Variants in OXR1 observed in about 807,000 individuals in gnomAD.
OXR1 encodes oxidation resistance 1.
Under a neutral mutation model 104.6 loss-of-function variants are expected in OXR1, and 41 were observed. The ratio of observed to expected loss-of-function variants is 0.39; its 90% CI spans 0.31 to 0.51. The LOEUF (loss-of-function observed/expected upper bound fraction) is 0.51, where lower values mean the gene tolerates loss of function less well. OXR1 is among the 20% of genes least tolerant of loss of function. The pLI, the probability that OXR1 is intolerant of heterozygous loss-of-function variation, is 0.77. For missense variants in OXR1, 955 were observed against 1,031.9 expected, an observed-to-expected ratio of 0.93 and a Z score of 1.02; for synonymous variants, 348 against 348.4, an observed-to-expected ratio of 1.00 and a Z score of 0.01.
At chr8:106,410,794 C>T (rs547550342) in intron 2 of OXR1, among the ~76,000 whole-genome samples, 10 of 151,532 alleles carry the variant, frequency 6.6e-5, no homozygotes, top group South Asian at 2.1e-4. Flanking sequence ...CCAGAGAAGA[C>T]AACAATAATT....
At chr8:106,480,152 T>C (rs927099413) in intron 2 of OXR1, among the ~76,000 whole-genome samples, 2 of 151,922 alleles carry the variant, frequency 1.3e-5, no homozygotes, top group Non-Finnish European at 2.9e-5. Context: ...AAGCTATATG[T>C]GATAAATAAT....
chr8:106,711,786 G>A (rs1389752043), intron 10 of OXR1, among the ~76,000 whole-genome samples: 3 of 152,072 alleles, frequency 2.0e-5, no homozygotes, highest in African/African-American at 7.2e-5. Context: ...ACATACCTGG[G>A]GTTATTTTAC....
chr8:106,346,635 C>T (rs1815491257), intron 1 of OXR1, among the ~76,000 whole-genome samples: 1 of 151,770 alleles, frequency 6.6e-6, no homozygotes, highest in African/African-American at 2.4e-5. Context: ...TTTTTCCATC[C>T]CTAATTCATT....
chr8:106,724,147 TAGGA>T (rs1198887848), intron 11 of OXR1, among the ~76,000 whole-genome samples: 1 of 152,028 alleles, frequency 6.6e-6, no homozygotes, highest in Non-Finnish European at 1.5e-5. Flanking sequence ...CCAACTCAAA[TAGGA>T]AGAGATATAA....
chr8:106,700,782 G>T (rs1325750099), intron 7 of OXR1, among the ~76,000 whole-genome samples: 1 of 152,152 alleles, frequency 6.6e-6, no homozygotes, highest in Non-Finnish European at 1.5e-5. Flanking sequence ...TATTATGCTA[G>T]TGAACCAAAT....
chr8:106,675,264 C>CA (rs1827462815), intron 3 of OXR1, among the ~76,000 whole-genome samples: 1 of 152,024 alleles, frequency 6.6e-6, no homozygotes, highest in Non-Finnish European at 1.5e-5. Context: ...CAGACAAAAA[C>CA]AAATCAATAC....
At chr8:106,592,736 C>T (rs1356625017) in intron 3 of OXR1, among the ~76,000 whole-genome samples, 1 of 152,046 alleles carries the variant, frequency 6.6e-6, no homozygotes, top group African/African-American at 2.4e-5. Flanking sequence ...CTAGCAGAGG[C>T]CAGGTCATGG....
chr8:106,308,986 T>G lies in OXR1; in HGVS notation c.-139+38619T>G, dbSNP rs554217446. Among the ~76,000 whole-genome samples the G allele has an allele frequency of 7.7e-3, 1,061 of 137,972 alleles. 8 individuals carry two copies. The highest frequency in any genetic ancestry group is 0.032 in the African/African-American group (1,022 of 31,488). 90.5% of individuals were successfully genotyped at this position (137,972 alleles called of 152,430 possible). On this transcript the variant is annotated intron_variant, in intron 1 of 16. Transcript: ENST00000517566. Reference sequence around the variant, plus strand: ...ATAAGTTAAATTTTAATTTTTTTTTTGTTTTTTTTTGAGACAGGGTCTTGC... The same window carrying G: ...ATAAGTTAAATTTTAATTTTTTTTTGGTTTTTTTTTGAGACAGGGTCTTGC...
At chr8:106,385,406 T>G (rs1311507425) in intron 2 of OXR1, among the ~76,000 whole-genome samples, 3 of 152,224 alleles carry the variant, frequency 2.0e-5, no homozygotes, top group Non-Finnish European at 4.4e-5. Flanking sequence ...CTTGTAAAGA[T>G]GCACCCAGAT....
At chr8:106,363,580 A>T (rs1173629602) in intron 2 of OXR1, among the ~76,000 whole-genome samples, 1 of 151,048 alleles carries the variant, frequency 6.6e-6, no homozygotes, top group Non-Finnish European at 1.5e-5. Context: ...GCAAAATTAG[A>T]CTCAAAACAT....
intron 3 of OXR1, among the ~76,000 whole-genome samples, chr8:106,639,354 C>T (rs1443993677): frequency 1.3e-5 from 2 of 152,128 alleles, no homozygotes; most frequent in African/African-American, 2.4e-5. Context: ...CAATGGCCAA[C>T]CTTCCATAAA....
At chr8:106,605,076 G>T (rs1820265160) in intron 3 of OXR1, 1 of 152,200 alleles carries the variant, frequency 6.6e-6, no homozygotes, top group Non-Finnish European at 1.5e-5. Context: ...AGTTGAAGGA[G>T]GTGAGAGCCT....
At chr8:106,405,141 CATATAT>C (rs143485889) in intron 2 of OXR1, among the ~76,000 whole-genome samples, 40 of 79,854 alleles carry the variant, frequency 5.0e-4, no homozygotes, top group Non-Finnish European at 7.6e-4. Flanking sequence ...TCAGAAACCA[CATATAT>C]ATATATATAT....
chr8:106,420,989 AC>A (rs1818882365), intron 2 of OXR1, among the ~76,000 whole-genome samples: 1 of 152,082 alleles, frequency 6.6e-6, no homozygotes, highest in Non-Finnish European at 1.5e-5. Context: ...TTGAGGCTGT[AC>A]CCCATCAATA....
intron 2 of OXR1, among the ~76,000 whole-genome samples, chr8:106,474,867 A>G (rs558026292): frequency 9.9e-5 from 15 of 152,076 alleles, no homozygotes; most frequent in African/African-American, 3.4e-4. Flanking sequence ...GAATTTTTAT[A>G]AGAGAATGAA....
intron 1 of OXR1, among the ~76,000 whole-genome samples, chr8:106,318,971 C>T (rs1324814825): frequency 6.6e-6 from 1 of 152,108 alleles, no homozygotes; most frequent in East Asian, 1.9e-4. Context: ...AATCTTATTG[C>T]TTAAGTGGAT....
intron 1 of OXR1, among the ~76,000 whole-genome samples, chr8:106,326,303 A>T (rs1394666169): frequency 6.6e-6 from 1 of 152,202 alleles, no homozygotes; most frequent in African/African-American, 2.4e-5. Context: ...GTGCAGGGAT[A>T]CTCTGGTTAG....
chr8:106,544,157 C>G (rs571549984), intron 3 of OXR1, among the ~76,000 whole-genome samples: 1 of 151,674 alleles, frequency 6.6e-6, no homozygotes, highest in Non-Finnish European at 1.5e-5. Context: ...GTTTATGTAC[C>G]CACTCTTATC....
At chr8:106,425,379 A>G (rs1819073853) in intron 2 of OXR1, among the ~76,000 whole-genome samples, 1 of 152,108 alleles carries the variant, frequency 6.6e-6, no homozygotes, top group Non-Finnish European at 1.5e-5. Flanking sequence ...ACTAAAAATT[A>G]AACAGATTAT....
Sources: gnomAD v4.1 joint callset for allele counts (sites outside exome capture counted in the v4.1 genomes callset) on GRCh38, gnomAD v4.1.1 for gene constraint, MANE v1.5 for transcripts, NCBI Gene and HGNC (gene_info 2026-07-23, HGNC 2026-07-21) for gene names.